Variants in KDM1B observed in about 807,000 individuals in gnomAD.
KDM1B encodes the protein lysine demethylase 1B.
KDM1B carries 63 observed loss-of-function variants against 107.4 expected under a neutral mutation model. The ratio of observed to expected loss-of-function variants is 0.59; its 90% CI spans 0.48 to 0.72. The LOEUF is 0.72. KDM1B is among the 30% of genes least tolerant of loss of function. KDM1B has a pLI of 0.00. For missense variants in KDM1B, 749 were observed against 1,020.8 expected (o/e 0.73, Z 3.63); for synonymous variants, 363 against 363.9 (o/e 1.00, Z 0.03).
Position 18,205,651 on chromosome 6 carries a change from G to T in KDM1B, c.1646G>T (p.Ser549Ile). 6.6e-7 allele frequency: 1 copy of T among 1,520,842 alleles called. No homozygotes were observed. 94.2% of individuals were successfully genotyped at this position (1,520,842 alleles called of 1,614,324 possible). A position where few individuals can be genotyped will look rare whatever the true frequency, so the allele number is the denominator to read the frequency against. Reference sequence around the variant, plus strand: ...AGTAACCTGGAGTACGCCTGTGGCAGCAACCTTCACCAGGTGCGCTTGGGT... The same window carrying T: ...AGTAACCTGGAGTACGCCTGTGGCATCAACCTTCACCAGGTGCGCTTGGGT... ...HLSNLEYACG[S>I]NLHQVSARSW... Residue 549 changes from serine to isoleucine, a missense_variant, in exon 15 of 22, where the codon AGC becomes ATC. By Grantham distance (142) the Ser-to-Ile change is moderately radical (BLOSUM62 -2). Coordinates refer to ENST00000650836, the MANE Select transcript of KDM1B (RefSeq NM_001364614.2). The surrounding 1 kb of genome is among the most constrained non-coding windows in gnomAD (Gnocchi z 5.7).
intron 17 of KDM1B, among the ~76,000 whole-genome samples, chr6:18,208,628 T>TATATATATATATATATATATATATATG (rs1491350264): frequency 6.2e-5 from 1 of 16,250 alleles, no homozygotes; most frequent in Non-Finnish European, 1.1e-4. Context: ...TATATATATA[T>TATATATATATATATATATATATATATG]TTTTTTTTTT....
At chr6:18,164,377 C>T (rs1245330298) in intron 5 of KDM1B, among the ~76,000 whole-genome samples, 2 of 152,064 alleles carry the variant, frequency 1.3e-5, no homozygotes, top group Non-Finnish European at 2.9e-5. Context: ...ATCTGCCTGC[C>T]TCAGCCTCCC....
rs1367016015 is a variant in KDM1B, at chr6:18,200,510, A to G, written c.1293A>G (p.Thr431=). 6.2e-7 allele frequency: 1 copy of G among 1,614,148 alleles called. No individual in the cohort carries two copies. Among genetic ancestry groups the G allele is most frequent in the Non-Finnish European group, 8.5e-7 (1 of 1,179,976 alleles). ...VWDDKSFKGV[T]VGRGAQIVNG... ...ATGATAAATCTTTTAAAGGCGTCAC[A>G]GTGGGAAGAGGAGCTCAGATTGTCA... The change falls in exon 13 of 22, where the codon ACA becomes ACG. Residue 431 remains threonine (T), a synonymous_variant. Transcript: ENST00000650836. The surrounding 1 kb of genome is among the most constrained non-coding windows in gnomAD (Gnocchi z 4.3).
intron 8 of KDM1B, among the ~76,000 whole-genome samples, chr6:18,187,538 G>A (rs1019682859): frequency 3.9e-5 from 6 of 152,146 alleles, no homozygotes; most frequent in Non-Finnish European, 7.4e-5. Flanking sequence ...TTTTGGGGGA[G>A]GGATAAGGGA....
In KDM1B at chr6:18,223,421, T is replaced by A. The variant is rs1296211830; in HGVS notation, c.*1429T>A. The A allele has an allele frequency of 7.2e-6, 1 of 139,208 alleles. No homozygotes were observed. The highest frequency in any genetic ancestry group is 2.7e-5 in the African/African-American group (1 of 37,204). The allele number at this position is 139,208 out of a possible 1,614,324, so 8.6% of individuals were successfully genotyped here. On this transcript the variant is annotated 3_prime_UTR_variant, in exon 22 of 22. Transcript: ENST00000650836. ...CTCAAAAGTTAACCCAAGACAACTC[T>A]GATATTTAGGTTATTTGTTGAGACT...
rs1049153598 is a variant in KDM1B, at chr6:18,214,667, T to C, written c.2110-340T>C. Among the ~76,000 whole-genome samples the C allele has an allele frequency of 3.9e-5, 6 of 152,120 alleles. No individual in the cohort carries two copies. The highest frequency in any genetic ancestry group is 1.4e-4 in the African/African-American group (6 of 41,444). On this transcript the variant is annotated intron_variant, in intron 19 of 21. Transcript: ENST00000650836. The surrounding 1 kb of genome is among the most constrained non-coding windows in gnomAD (Gnocchi z 4.4). ...GCTCACGCCTGTAATCCCAGCACTT[T>C]GGGAGGCCGAGGTGGGTGGATCACC...
At chr6:18,158,327 A>C (rs1206585549) in intron 2 of KDM1B, among the ~76,000 whole-genome samples, 11 of 146,274 alleles carry the variant, frequency 7.5e-5, no homozygotes, top group Non-Finnish European at 1.5e-4. Flanking sequence ...CCTTCACAAA[A>C]AAAAAAAAAA....
chr6:18,223,831 T>TA lies in KDM1B; in HGVS notation c.*1845dup, dbSNP rs976470696. The TA allele has an allele frequency of 6.6e-6, 1 of 152,190 alleles. No individual in the cohort carries two copies. Among genetic ancestry groups the TA allele is most frequent in the East Asian group, 1.9e-4 (1 of 5,198 alleles). 9.4% of individuals were successfully genotyped at this position (152,190 alleles called of 1,614,324 possible). A position where few individuals can be genotyped will look rare whatever the true frequency, so the allele number is the denominator to read the frequency against. The stretch of plus-strand genomic sequence containing the variant: ...TGAATAGCTGGTTGTGTAAAACTAA[T>TA]AAAAAACTAGACTTTCACATGTACT... On this transcript the variant is annotated 3_prime_UTR_variant, in exon 22 of 22. Coordinates refer to ENST00000650836, the MANE Select transcript of KDM1B (RefSeq NM_001364614.2).
In KDM1B at chr6:18,217,599, G is replaced by A. The variant is rs536276079; in HGVS notation, c.2233-134G>A. ...TCACCGTGTTAGCCAGGATCGTCTC[G>A]ATCTCCTGACCTTGTGATCCACCCG... On this transcript the variant is annotated intron_variant, in intron 20 of 21. Coordinates refer to ENST00000650836, the MANE Select transcript of KDM1B (RefSeq NM_001364614.2). 2.7e-4 allele frequency: 167 copies of A among 628,296 alleles called. 1 individual carries two copies. Among genetic ancestry groups the A allele is most frequent in the South Asian group, 7.7e-4 (35 of 45,316 alleles). 38.9% of individuals were successfully genotyped at this position (628,296 alleles called of 1,614,324 possible). A position where few individuals can be genotyped will look rare whatever the true frequency, so the allele number is the denominator to read the frequency against.
At chr6:18,188,087 T>A in intron 9 of KDM1B, 85 bp downstream of exon 9, 1 of 1,253,484 alleles carries the variant, frequency 8.0e-7, no homozygotes. Context: ...CGCAAAGGAT[T>A]TTTTTTAAAT....
rs1159001009 is a variant in KDM1B at position 18,223,300 on chromosome 6, C to G, written c.*1308C>G. 1 of 152,140 alleles carries G rather than the reference C, an allele frequency of 6.6e-6. No individual in the cohort carries two copies. Among genetic ancestry groups the G allele is most frequent in the Non-Finnish European group, 1.5e-5 (1 of 67,998 alleles). The allele number at this position is 152,140 out of a possible 1,614,324, so 9.4% of individuals were successfully genotyped here. A position where few individuals can be genotyped will look rare whatever the true frequency, so the allele number is the denominator to read the frequency against. On this transcript the variant is annotated 3_prime_UTR_variant, in exon 22 of 22. Transcript: ENST00000650836. ...AAATACCTAACACACCAAGAATGTG[C>G]AGTGAACCTCAGGCATTTAAGACAC...
chr6:18,174,926 A>G (rs1430805146), intron 7 of KDM1B, among the ~76,000 whole-genome samples: 2 of 152,178 alleles, frequency 1.3e-5, no homozygotes, highest in Non-Finnish European at 2.9e-5. Context: ...CAATTTTGCA[A>G]TTGTGAACTG....
chr6:18,178,273 A>T (rs12210261), intron 7 of KDM1B, among the ~76,000 whole-genome samples: 2,501 of 151,756 alleles, frequency 0.016, 38 homozygotes, highest in Non-Finnish European at 0.024. Flanking sequence ...TTTAGTAGAG[A>T]TGGGGTTTCA....
Position 18,197,747 on chromosome 6 carries a change from T to G in KDM1B, c.1221+86T>G, listed in dbSNP as rs1787742059. On this transcript the variant is annotated intron_variant, in intron 12 of 21. Transcript: ENST00000650836. This position sits in a 1 kb window ranked among gnomAD's most constrained non-coding sequence, Gnocchi z 4.5. ...TCTAAGATTTAGAAACCAGTTCCTA[T>G]TTTTAGTGAAGAATACTAAATACAT... 2.2e-6 allele frequency: 2 copies of G among 893,410 alleles called. No homozygotes were observed. The highest frequency in any genetic ancestry group is 2.2e-4 in the Middle Eastern group (1 of 4,514). The allele number at this position is 893,410 out of a possible 1,614,324, so 55.3% of individuals were successfully genotyped here.
chr6:18,220,636 G>A (rs1789622787), intron 21 of KDM1B, among the ~76,000 whole-genome samples: 1 of 152,204 alleles, frequency 6.6e-6, no homozygotes, highest in Non-Finnish European at 1.5e-5. Flanking sequence ...AGGGGATAAA[G>A]GCTGCATGCC....
intron 7 of KDM1B, among the ~76,000 whole-genome samples, chr6:18,173,398 T>A (rs889109701): frequency 6.6e-6 from 1 of 152,224 alleles, no homozygotes; most frequent in South Asian, 2.1e-4. Context: ...TGTAGTTCTT[T>A]ATGTAATCTG....
Position 18,217,757 on chromosome 6 carries a change from T to C in KDM1B, c.2257T>C (p.Phe753Leu). 3 of 1,612,788 alleles carry C rather than the reference T, an allele frequency of 1.9e-6. No individual in the cohort carries two copies. Among genetic ancestry groups the C allele is most frequent in the Non-Finnish European group, 2.5e-6 (3 of 1,179,642 alleles). Residue 753 changes from phenylalanine (F) to leucine (L), a missense_variant, in exon 21 of 22, where the codon TTT (phenylalanine) becomes CTT (leucine). Phe to Leu is a conservative substitution (Grantham distance 22). Coordinates refer to ENST00000650836, the MANE Select transcript of KDM1B (RefSeq NM_001364614.2). ...GGAGGTCCCAGATCCCACAAAGTAT[T>C]TTGTCACTCGGTGGAGCACAGACCC... is the stretch of plus-strand genomic sequence containing the variant. ...EQEVPDPTKY[F>L]VTRWSTDPWI...
chr6:18,169,298 A>G (rs1416019008), intron 6 of KDM1B, among the ~76,000 whole-genome samples: 2 of 148,584 alleles, frequency 1.3e-5, no homozygotes, highest in Non-Finnish European at 1.5e-5. Flanking sequence ...CAATGGTGCC[A>G]TCTCTGGCTC....
At chr6:18,167,959 A>T (rs538543097) in intron 6 of KDM1B, among the ~76,000 whole-genome samples, 11 of 150,338 alleles carry the variant, frequency 7.3e-5, no homozygotes, top group Middle Eastern at 3.6e-3. Context: ...ACAGGACTCG[A>T]TATCTTGCCC....
Sources: gnomAD v4.1 joint callset for allele counts (sites outside exome capture counted in the v4.1 genomes callset) on GRCh38, gnomAD v4.1.1 for gene constraint, Gnocchi (gnomAD v3.1) non-coding constraint, MANE v1.5 for transcripts, NCBI Gene and HGNC (gene_info 2026-07-23, HGNC 2026-07-21) for gene names.